Variants in RAB3GAP2 observed in about 807,000 individuals in gnomAD.
RAB3GAP2 encodes rab3 GTPase-activating protein non-catalytic subunit.
RAB3GAP2 carries 87 observed loss-of-function variants against 185.3 expected under a neutral mutation model. The observed-to-expected ratio is 0.47, with a 90% confidence interval of 0.39 to 0.56. The LOEUF (loss-of-function observed/expected upper bound fraction) is 0.56. Among genes scored for constraint, RAB3GAP2 ranks in the 20% least tolerant of loss-of-function variants. The probability of loss-of-function intolerance (pLI) is 0.00; values close to 1 mark genes in which losing one functional copy is unlikely to be tolerated. For missense variants in RAB3GAP2, 1,492 were observed against 1,638.2 expected (o/e 0.91, Z 1.54); for synonymous variants, 554 against 576.1 (o/e 0.96, Z 0.55).
At chr1:220,200,756 T>C (rs1017947922) in intron 9 of RAB3GAP2, 1 of 427,584 alleles carries the variant, frequency 2.3e-6, no homozygotes, top group African/African-American at 2.0e-5. Flanking sequence ...GAGTATTCCA[T>C]GTAAGAGCTA....
intron 1 of RAB3GAP2, among the ~76,000 whole-genome samples, chr1:220,235,868 T>C (rs1407984221): frequency 6.6e-6 from 1 of 152,164 alleles, no homozygotes; most frequent in Admixed American, 6.5e-5. Flanking sequence ...TTATACAAGA[T>C]ATTTAGGTTT....
chr1:220,161,191 GCA>G (rs547522222), intron 28 of RAB3GAP2, among the ~76,000 whole-genome samples: 59 of 152,294 alleles, frequency 3.9e-4, no homozygotes, highest in African/African-American at 1.4e-3. Flanking sequence ...AGGAAGATGA[GCA>G]CAGAGGAAAG....
chr1:220,201,198 T>A (rs1160550234), intron 9 of RAB3GAP2, among the ~76,000 whole-genome samples: 1 of 152,102 alleles, frequency 6.6e-6, no homozygotes, highest in African/African-American at 2.4e-5. Flanking sequence ...TTATCTATAT[T>A]TTACTAGTTT....
At chr1:220,166,002 AATT>A (rs1425553256) in intron 26 of RAB3GAP2, among the ~76,000 whole-genome samples, 1 of 152,210 alleles carries the variant, frequency 6.6e-6, no homozygotes. Context: ...AGATTTTAGA[AATT>A]ATTATTTTCT....
chr1:220,213,513 C>T (rs1659122156), intron 3 of RAB3GAP2, among the ~76,000 whole-genome samples: 1 of 151,806 alleles, frequency 6.6e-6, no homozygotes, highest in Admixed American at 6.6e-5. Flanking sequence ...AGTTGAAAAT[C>T]ACCTCATTCA....
chr1:220,153,920 G>A (rs1558137546), intron 32 of RAB3GAP2, 48 bp downstream of exon 32: 1 of 1,584,680 alleles, frequency 6.3e-7, no homozygotes, highest in Non-Finnish European at 8.6e-7. Context: ...TTTCCCTTAT[G>A]TTTTTTTTTC....
At chr1:220,270,023 C>T (rs1274024762) in intron 1 of RAB3GAP2, among the ~76,000 whole-genome samples, 5 of 152,174 alleles carry the variant, frequency 3.3e-5, no homozygotes, top group Non-Finnish European at 7.3e-5. Context: ...TATAACTATG[C>T]TTTCTGCCTC....
intron 3 of RAB3GAP2, 108 bp downstream of exon 3, chr1:220,213,748 G>T: frequency 3.8e-6 from 4 of 1,046,338 alleles, no homozygotes; most frequent in Non-Finnish European, 5.5e-6. Context: ...GGGGGGGAGA[G>T]AGAGAGAAAT....
chr1:220,192,247 A>G (rs535223449), intron 13 of RAB3GAP2, among the ~76,000 whole-genome samples: 2 of 152,352 alleles, frequency 1.3e-5, no homozygotes, highest in South Asian at 4.1e-4. Context: ...ATTTCTACAG[A>G]TACTGAGACA....
intron 2 of RAB3GAP2, among the ~76,000 whole-genome samples, chr1:220,216,372 G>A (rs188367050): frequency 2.0e-3 from 303 of 152,286 alleles, no homozygotes; most frequent in Non-Finnish European, 3.2e-3. Flanking sequence ...TAAAAGTTAT[G>A]AAGGTAAAAC....
At position 220,212,891 on chromosome 1, in the gene RAB3GAP2, C is replaced by G. The variant is rs778095406; in HGVS notation, c.382G>C (p.Glu128Gln). The G allele has an allele frequency of 1.1e-5, 18 of 1,611,852 alleles. No individual in the cohort carries two copies. The highest frequency in any genetic ancestry group is 1.4e-5 in the Non-Finnish European group (17 of 1,178,016). Residue 128 changes from glutamate to glutamine, a missense_variant, in exon 4 of 35, where the codon GAA (glutamate) becomes CAA (glutamine). Physicochemically the swap from Glu to Gln is conservative, Grantham distance 29. Transcript: ENST00000358951. ...CAAAAATTAACTGGCACCTACCCTT[C>G]TTCGACATTTAAGGAACCACTCCAG... Reference protein sequence around the residue: ...VGWSGSLNVEEGECVTSALCI... With the variant: ...VGWSGSLNVEQGECVTSALCI...
chr1:220,179,768 T>C (rs1184844998), intron 21 of RAB3GAP2, among the ~76,000 whole-genome samples: 2 of 151,950 alleles, frequency 1.3e-5, no homozygotes, highest in Admixed American at 1.3e-4. Flanking sequence ...GAACAACCAA[T>C]GAGGCAAGGA....
intron 1 of RAB3GAP2, among the ~76,000 whole-genome samples, chr1:220,259,803 A>C (rs776860530): frequency 6.6e-6 from 1 of 151,976 alleles, no homozygotes; most frequent in Non-Finnish European, 1.5e-5. Context: ...GAGTGAACTG[A>C]TAATCTACAG....
chr1:220,211,728 A>T (rs1483747378), intron 4 of RAB3GAP2, among the ~76,000 whole-genome samples: 1 of 152,218 alleles, frequency 6.6e-6, no homozygotes, highest in Non-Finnish European at 1.5e-5. Context: ...TTATCCAAAA[A>T]ACTATAAACA....
chr1:220,189,988 C>A (rs1260036227), intron 16 of RAB3GAP2, 76 bp downstream of exon 16: 1 of 1,278,352 alleles, frequency 7.8e-7, no homozygotes, highest in Non-Finnish European at 1.1e-6. Context: ...ATTTTGATTG[C>A]TCCATTCAGA....
chr1:220,213,876 T>C lies in RAB3GAP2; in HGVS notation c.284A>G (p.Gln95Arg), dbSNP rs1659133093. 6 of 1,613,470 alleles carry C rather than the reference T, an allele frequency of 3.7e-6. No individual in the cohort carries two copies. The highest frequency in any genetic ancestry group is 5.1e-6 in the Non-Finnish European group (6 of 1,179,468). ...TNDLMVIARE[Q>R]KAVFLVPKWK... The stretch of plus-strand genomic sequence containing the variant: ...CTCACGCACTAGAAATACAGCTTTT[T>C]GCTCTCGAGCTATCACCATAAGATC... Residue 95 changes from glutamine (Q) to arginine (R), a missense_variant, in exon 3 of 35, where the codon CAA (glutamine) becomes CGA (arginine). This residue lies in a region of RAB3GAP2 where 177 missense variants were observed against 160.6 expected (regional missense o/e 1.10). Coordinates refer to ENST00000358951, the MANE Select transcript of RAB3GAP2 (RefSeq NM_012414.4).
In RAB3GAP2 at chr1:220,232,671, A is replaced by G. The variant is rs1277133482; in HGVS notation, c.180+128T>C. On this transcript the variant is annotated intron_variant, in intron 2 of 34. Coordinates refer to ENST00000358951, the MANE Select transcript of RAB3GAP2 (RefSeq NM_012414.4). ...AAGAAGAGGTATCTAGTTAAGTACT[A>G]ATAAGTAAGCACAAAAATATTCTTG... The G allele has an allele frequency of 4.6e-6, 4 of 864,238 alleles. No individual in the cohort carries two copies. In the Admixed American group the frequency reaches 7.8e-5, roughly 17 times the overall value. The allele number at this position is 864,238 out of a possible 1,614,324, so 53.5% of individuals were successfully genotyped here. A position where few individuals can be genotyped will look rare whatever the true frequency, so the allele number is the denominator to read the frequency against.
intron 27 of RAB3GAP2, among the ~76,000 whole-genome samples, chr1:220,163,875 C>T (rs1186956499): frequency 6.6e-6 from 1 of 151,170 alleles, no homozygotes; most frequent in African/African-American, 2.4e-5. Flanking sequence ...ATGTCACCTG[C>T]AAGCATGTGA....
chr1:220,195,734 T>C (rs1045429973), intron 10 of RAB3GAP2, among the ~76,000 whole-genome samples: 1 of 152,186 alleles, frequency 6.6e-6, no homozygotes, highest in South Asian at 2.1e-4. Context: ...TAAATATATA[T>C]ATATGCACAC....
Sources: allele counts gnomAD v4.1 joint callset (sites outside exome capture counted in the v4.1 genomes callset), GRCh38; gene constraint gnomAD v4.1.1; regional missense constraint gnomAD v4.1.1; transcripts MANE v1.5; gene names NCBI Gene and HGNC (gene_info 2026-07-23, HGNC 2026-07-21).